ANK3: variants seen among roughly 807,000 people sequenced by gnomAD.
ANK3 encodes ankyrin 3, also known as ankyrin-3.
In ANK3, 57 loss-of-function variants were observed where a neutral mutation model predicts 370.9. The ratio of observed to expected loss-of-function variants is 0.15; its 90% CI spans 0.12 to 0.19. The LOEUF is 0.19. Among genes scored for constraint, ANK3 ranks in the 10% least tolerant of loss-of-function variants. ANK3 has a pLI of 1.00. For synonymous variants in ANK3, 1,929 were observed against 1,946.3 expected, an observed-to-expected ratio of 0.99 and a Z score of 0.23; for missense variants, 4,439 against 5,302.1, an observed-to-expected ratio of 0.84 and a Z score of 5.06.
intron 42 of ANK3, 57 bp from the exon 43 acceptor site, chr10:60,042,816 C>G: frequency 6.9e-7 from 1 of 1,457,784 alleles, no homozygotes; most frequent in African/African-American, 2.9e-5. Flanking sequence ...AGTTATAAAG[C>G]AGTCCATTCT....
chr10:60,131,587 C>T (rs749218724), intron 25 of ANK3, among the ~76,000 whole-genome samples: 2 of 152,114 alleles, frequency 1.3e-5, no homozygotes, highest in Non-Finnish European at 2.9e-5. Flanking sequence ...TATTTCTGTT[C>T]ACAAATCCTT....
In ANK3 at chr10:60,064,032, C is replaced by T. The variant is rs564238689; in HGVS notation, c.12451+125G>A. On this transcript the variant is annotated intron_variant, in intron 39 of 43. Coordinates refer to ENST00000280772, the MANE Select transcript of ANK3 (RefSeq NM_020987.5). ...AAGACTTGCTATTACCTCATGATCA[C>T]TTAGTTTTCTATATTAAAGATTACA... 9.6e-5 allele frequency: 85 copies of T among 883,514 alleles called. No homozygotes were observed. The Middle Eastern group carries it at 1.5e-3, about 15-fold the overall frequency. The allele number at this position is 883,514 out of a possible 1,614,324, so 54.7% of individuals were successfully genotyped here. A position where few individuals can be genotyped will look rare whatever the true frequency, so the allele number is the denominator to read the frequency against.
chr10:60,346,817 G>A (rs2055622890), intron 1 of ANK3, among the ~76,000 whole-genome samples: 2 of 151,976 alleles, frequency 1.3e-5, no homozygotes, highest in Admixed American at 6.6e-5. Context: ...TTATTCTTCT[G>A]GAAAACACTG....
At chr10:60,264,104 G>T in intron 5 of ANK3, 84 bp from the exon 6 acceptor site, 1 of 1,158,406 alleles carries the variant, frequency 8.6e-7, no homozygotes, top group South Asian at 1.7e-5. Flanking sequence ...GCAACCAAGT[G>T]ACCAAGCATC....
intron 2 of ANK3, among the ~76,000 whole-genome samples, chr10:60,489,152 A>G (rs2075425648): frequency 6.6e-6 from 1 of 152,238 alleles, no homozygotes; most frequent in Non-Finnish European, 1.5e-5. Flanking sequence ...CAACATAAAC[A>G]TGAATAATAG....
chr10:60,146,067 T>C, intron 23 of ANK3: 1 of 1,528,814 alleles, frequency 6.5e-7, no homozygotes, highest in Non-Finnish European at 8.8e-7. Context: ...CAAAACAAAA[T>C]ATAGGGACCA....
At chr10:60,191,815 C>T (rs2096487786) in intron 16 of ANK3, among the ~76,000 whole-genome samples, 1 of 152,168 alleles carries the variant, frequency 6.6e-6, no homozygotes, top group African/African-American at 2.4e-5. Flanking sequence ...CAGCACCATT[C>T]ACAATAGCAA....
chr10:60,336,092 G>GC (rs1198435229), intron 1 of ANK3, among the ~76,000 whole-genome samples: 2 of 148,080 alleles, frequency 1.4e-5, no homozygotes, highest in Non-Finnish European at 2.9e-5. Context: ...TAGTTTGGCG[G>GC]GGGGGGGAAG....
chr10:60,383,791 C>G (rs909925837), intron 1 of ANK3, among the ~76,000 whole-genome samples: 1 of 152,144 alleles, frequency 6.6e-6, no homozygotes, highest in Non-Finnish European at 1.5e-5. Flanking sequence ...CAGTACAAAA[C>G]CTTACTCTTG....
intron 2 of ANK3, among the ~76,000 whole-genome samples, chr10:60,580,385 C>A (rs1390116230): frequency 6.6e-6 from 1 of 152,106 alleles, no homozygotes; most frequent in Non-Finnish European, 1.5e-5. Flanking sequence ...ATATAAACAC[C>A]ATGGTTTCTT....
At chr10:60,533,490 C>T (rs1307548867) in intron 2 of ANK3, among the ~76,000 whole-genome samples, 1 of 152,100 alleles carries the variant, frequency 6.6e-6, no homozygotes, top group African/African-American at 2.4e-5. Flanking sequence ...AACTACTTCT[C>T]AGAGACAAAA....
At chr10:60,193,192 A>T (rs74156431) in intron 16 of ANK3, among the ~76,000 whole-genome samples, 18,984 of 152,260 alleles carry the variant, frequency 0.12, 1,657 homozygotes, top group African/African-American at 0.24. Flanking sequence ...TTGACTATAA[A>T]AATATGCCTG....
intron 16 of ANK3, among the ~76,000 whole-genome samples, chr10:60,190,337 G>A (rs1036293054): frequency 8.5e-5 from 13 of 152,078 alleles, no homozygotes; most frequent in South Asian, 4.2e-4. Flanking sequence ...CACCACTGCC[G>A]GAATTCAGGA....
intron 1 of ANK3, among the ~76,000 whole-genome samples, chr10:60,673,168 T>C (rs1230304497): frequency 6.6e-6 from 1 of 152,150 alleles, no homozygotes; most frequent in Admixed American, 6.5e-5. Context: ...ACTTCTACTG[T>C]AAACATGTTT....
At chr10:60,189,697 GA>G (rs1453666235) in intron 16 of ANK3, among the ~76,000 whole-genome samples, 2 of 152,122 alleles carry the variant, frequency 1.3e-5, no homozygotes, top group Non-Finnish European at 2.9e-5. Context: ...TCTATCAAAA[GA>G]AAAATTCAAC....
chr10:60,239,679 A>G (rs1424860160), intron 7 of ANK3, among the ~76,000 whole-genome samples: 1 of 152,162 alleles, frequency 6.6e-6, no homozygotes, highest in African/African-American at 2.4e-5. Context: ...CCAAGAAATG[A>G]AGGGCTCTGG....
chr10:60,211,300 C>T (rs1591794805), intron 9 of ANK3, among the ~76,000 whole-genome samples: 1 of 151,794 alleles, frequency 6.6e-6, no homozygotes, highest in African/African-American at 2.4e-5. Flanking sequence ...GACTCAAGGG[C>T]CCAGGCAGAA....
At chr10:60,386,579 C>T (rs1490596606) in intron 1 of ANK3, among the ~76,000 whole-genome samples, 3 of 150,510 alleles carry the variant, frequency 2.0e-5, no homozygotes, top group African/African-American at 7.3e-5. Context: ...TCATGATTAA[C>T]ATATTCAAAA....
rs1290743935 is a variant in ANK3 at position 60,073,549 on chromosome 10, G to A, written c.7332C>T (p.His2444=). 6.2e-7 allele frequency: 1 copy of A among 1,613,946 alleles called. No individual in the cohort carries two copies. The highest frequency in any genetic ancestry group is 8.5e-7 in the Non-Finnish European group (1 of 1,180,012). The change falls in exon 37 of 44, where the codon CAC becomes CAT. Residue 2444 remains histidine, a synonymous_variant. Transcript: ENST00000280772. ...ACTCATCGTCATGGTATTCTATTGAGTGTTGACTCAAAAGCTTCAATGTTT... is the reference window on the plus strand; with the variant it reads ...ACTCATCGTCATGGTATTCTATTGAATGTTGACTCAAAAGCTTCAATGTTT... ...SYKTLKLLSQ[H]SIEYHDDELS...
Sources: allele counts gnomAD v4.1 joint callset (sites outside exome capture counted in the v4.1 genomes callset), GRCh38; gene constraint gnomAD v4.1.1; transcripts MANE v1.5; gene names NCBI Gene and HGNC (gene_info 2026-07-23, HGNC 2026-07-21).